Variants in PSD2 observed in about 807,000 individuals in gnomAD.
PSD2 encodes pleckstrin and Sec7 domain containing 2, also known as PH and SEC7 domain-containing protein 2.
A neutral mutation model predicts 69.8 loss-of-function variants in PSD2; 38 were observed. The ratio of observed to expected loss-of-function variants is 0.54; its 90% CI spans 0.42 to 0.71. The LOEUF (loss-of-function observed/expected upper bound fraction) is 0.71. Ranked by LOEUF, PSD2 falls within the 30% of genes least tolerant of loss-of-function variation. PSD2 has a pLI of 0.00. For missense variants in PSD2, 943 were observed against 1,014.5 expected (o/e 0.93, Z 0.96); for synonymous variants, 412 against 423.0 (o/e 0.97, Z 0.32).
chr5:139,808,893 T>C (rs886214467), intron 1 of PSD2, among the ~76,000 whole-genome samples: 6 of 152,240 alleles, frequency 3.9e-5, no homozygotes, highest in East Asian at 1.9e-4. Context: ...TCCTTGAAGA[T>C]AGCCTCCCAG....
chr5:139,802,931 T>C (rs1759711661), intron 1 of PSD2, among the ~76,000 whole-genome samples: 1 of 152,166 alleles, frequency 6.6e-6, no homozygotes, highest in Non-Finnish European at 1.5e-5. Flanking sequence ...CCCCGGGGAC[T>C]TCTGCCTGCC....
the PSD2 span, among the ~76,000 whole-genome samples, chr5:139,769,042 G>A: frequency 2.0e-5 from 3 of 152,148 alleles, no homozygotes; most frequent in Non-Finnish European, 4.4e-5. Context: ...TGGAGGGTAG[G>A]GGAAGATGAG....
the PSD2 span, among the ~76,000 whole-genome samples, chr5:139,759,659 GCC>G: frequency 6.6e-6 from 1 of 152,242 alleles, no homozygotes; most frequent in African/African-American, 2.4e-5. Context: ...GCCACGCCGG[GCC>G]CTTTGGGGGA....
chr5:139,815,321 C>T (rs1010099182), intron 4 of PSD2, among the ~76,000 whole-genome samples: 15 of 152,294 alleles, frequency 9.8e-5, no homozygotes, highest in African/African-American at 2.4e-4. Flanking sequence ...CCAAACCTAA[C>T]GCCATCCTTT....
upstream of PSD2, among the ~76,000 whole-genome samples, chr5:139,790,952 G>A (rs1012991805): frequency 3.3e-5 from 5 of 152,152 alleles, no homozygotes; most frequent in East Asian, 3.9e-4. Flanking sequence ...TCGGGAGACC[G>A]AAGCAGGAAA....
intron 7 of PSD2, among the ~76,000 whole-genome samples, chr5:139,825,162 C>G (rs201598409): frequency 6.6e-6 from 1 of 152,348 alleles, no homozygotes; most frequent in Non-Finnish European, 1.5e-5. Context: ...ACAAGTTGTG[C>G]AGCTCCATGA....
the PSD2 span, among the ~76,000 whole-genome samples, chr5:139,756,270 C>T: frequency 1.3e-5 from 2 of 152,336 alleles, no homozygotes; most frequent in South Asian, 4.1e-4. Flanking sequence ...CATTATCTGC[C>T]TCCGCCGCGC....
At chr5:139,752,822 A>T in the PSD2 span, among the ~76,000 whole-genome samples, 1 of 152,206 alleles carries the variant, frequency 6.6e-6, no homozygotes, top group Non-Finnish European at 1.5e-5. Flanking sequence ...CTGGGTGTGC[A>T]CAACCTTTCA....
chr5:139,819,261 C>T lies in PSD2; in HGVS notation c.1097+1700C>T, dbSNP rs536142723. ...AAGGTTGCACTGAAGTTTGGTATGG[C>T]TCAGGGTTTGCTCTGATAATAGGGT... On this transcript the variant is annotated intron_variant, in intron 5 of 14. Transcript: ENST00000274710. Among the ~76,000 whole-genome samples, 8 of 152,284 alleles carry T rather than the reference C, an allele frequency of 5.3e-5. No individual in the cohort carries two copies. The East Asian group carries it at 1.3e-3, about 26-fold the overall frequency.
At chr5:139,782,206 G>A in the PSD2 span, among the ~76,000 whole-genome samples, 2 of 151,834 alleles carry the variant, frequency 1.3e-5, no homozygotes, top group South Asian at 2.1e-4. Flanking sequence ...TCTGTGAGAC[G>A]GAGTTTCACT....
intron 7 of PSD2, among the ~76,000 whole-genome samples, chr5:139,825,344 C>T (rs1018271959): frequency 9.8e-5 from 15 of 152,330 alleles, no homozygotes; most frequent in South Asian, 8.3e-4. Context: ...TTGGGAATAG[C>T]GCTGCTGTGA....
At chr5:139,778,188 C>CTTG in the PSD2 span, among the ~76,000 whole-genome samples, 10 of 152,340 alleles carry the variant, frequency 6.6e-5, no homozygotes, top group East Asian at 1.9e-3. Context: ...TCCCAAGGGA[C>CTTG]AGTGCAGGGG....
the PSD2 span, among the ~76,000 whole-genome samples, chr5:139,783,304 G>C: frequency 6.6e-6 from 1 of 152,128 alleles, no homozygotes; most frequent in Non-Finnish European, 1.5e-5. Context: ...TAGCTGGGCA[G>C]GGTGGTGCGT....
the PSD2 span, among the ~76,000 whole-genome samples, chr5:139,746,391 C>A: frequency 2.6e-5 from 4 of 152,196 alleles, no homozygotes; most frequent in Non-Finnish European, 4.4e-5. The surrounding 1 kb of genome is among the most constrained non-coding windows in gnomAD (Gnocchi z 4.5). Flanking sequence ...AAGATTTTTT[C>A]CTCTGGCCTC....
intron 1 of PSD2, among the ~76,000 whole-genome samples, chr5:139,798,231 A>G (rs1305974495): frequency 1.3e-5 from 2 of 152,152 alleles, no homozygotes; most frequent in Admixed American, 1.3e-4. Flanking sequence ...CCACAGCTCA[A>G]TGGAGGGGGA....
At chr5:139,798,888 T>A (rs559741333) in intron 1 of PSD2, among the ~76,000 whole-genome samples, 26 of 152,320 alleles carry the variant, frequency 1.7e-4, no homozygotes, top group South Asian at 6.2e-4. Context: ...CTGTTTTTTT[T>A]AATTTGATCA....
upstream of PSD2, among the ~76,000 whole-genome samples, chr5:139,795,561 C>T (rs1411964344): frequency 6.6e-6 from 1 of 152,038 alleles, no homozygotes; most frequent in Non-Finnish European, 1.5e-5. The surrounding 1 kb of genome is among the most constrained non-coding windows in gnomAD (Gnocchi z 4.5). Flanking sequence ...ACCCCGGGCG[C>T]TCCCCTCCCC....
chr5:139,842,736 G>A lies in PSD2; in HGVS notation c.*262G>A. 1 of 493,640 alleles carries A rather than the reference G, an allele frequency of 2.0e-6. No homozygotes were observed. The highest frequency in any genetic ancestry group is 3.6e-6 in the Non-Finnish European group (1 of 274,626). The allele number at this position is 493,640 out of a possible 1,614,324, so 30.6% of individuals were successfully genotyped here. ...TGGAGCCTCATTTTGTAGGCCAGTT[G>A]TGTGCATGCTCTAGACACCACCTCG... On this transcript the variant is annotated 3_prime_UTR_variant, in exon 15 of 15. Transcript: ENST00000274710.
intron 1 of PSD2, among the ~76,000 whole-genome samples, chr5:139,802,853 G>A (rs1759710086): frequency 6.6e-6 from 1 of 152,196 alleles, no homozygotes; most frequent in Non-Finnish European, 1.5e-5. Context: ...CCTTTGTGGA[G>A]CAAGCTCCAA....
Sources: gnomAD v4.1 joint callset for allele counts (sites outside exome capture counted in the v4.1 genomes callset) on GRCh38, gnomAD v4.1.1 for gene constraint, Gnocchi (gnomAD v3.1) non-coding constraint, MANE v1.5 for transcripts, NCBI Gene and HGNC (gene_info 2026-07-23, HGNC 2026-07-21) for gene names.